The following PLEKHD1 variants were observed in gnomAD, a reference collection of about 807,000 sequenced individuals.
PLEKHD1 encodes pleckstrin homology and coiled-coil domain containing D1.
Under a neutral mutation model 69.2 loss-of-function variants are expected in PLEKHD1, and 51 were observed. That is an observed-to-expected ratio of 0.74 (90% CI 0.59 to 0.93). The LOEUF is 0.93. Among genes scored for constraint, PLEKHD1 ranks in the 40% least tolerant of loss-of-function variants. The pLI is 0.00. For synonymous variants in PLEKHD1, 236 were observed against 244.7 expected (o/e 0.96, Z 0.33); for missense variants, 584 against 641.0 (o/e 0.91, Z 0.96).
intron 4 of PLEKHD1, chr14:69,501,490 C>T: frequency 4.7e-6 from 2 of 427,126 alleles, no homozygotes; most frequent in Non-Finnish European, 8.4e-6. Flanking sequence ...TCTAAAAGTG[C>T]TGTTGGCCCA....
At chr14:69,520,116 G>C (rs1170078873) in intron 6 of PLEKHD1, among the ~76,000 whole-genome samples, 1 of 134,546 alleles carries the variant, frequency 7.4e-6, no homozygotes, top group African/African-American at 2.9e-5. Flanking sequence ...GCAGTGAACT[G>C]AGATCGTGCC....
At chr14:69,475,555 G>T in the PLEKHD1 span, among the ~76,000 whole-genome samples, 1 of 152,186 alleles carries the variant, frequency 6.6e-6, no homozygotes, top group African/African-American at 2.4e-5. Flanking sequence ...CTAGCAAGAG[G>T]CTGGCCCTGC....
chr14:69,520,600 G>A (rs1363712175), intron 6 of PLEKHD1, among the ~76,000 whole-genome samples: 1 of 152,038 alleles, frequency 6.6e-6, no homozygotes, highest in Non-Finnish European at 1.5e-5. Flanking sequence ...GTGGTGGTGA[G>A]TGCCTGTAAT....
chr14:69,492,037 A>G (rs1335819759), intron 1 of PLEKHD1, among the ~76,000 whole-genome samples: 1 of 152,120 alleles, frequency 6.6e-6, no homozygotes, highest in Non-Finnish European at 1.5e-5. Context: ...ACTTGCTGGC[A>G]GCTCCCCTTG....
At chr14:69,507,360 A>G (rs1481775084) in intron 6 of PLEKHD1, among the ~76,000 whole-genome samples, 1 of 152,166 alleles carries the variant, frequency 6.6e-6, no homozygotes, top group East Asian at 1.9e-4. Context: ...TCAGTGCTGA[A>G]TGATATTACC....
chr14:69,504,937 T>A (rs1883118444), intron 6 of PLEKHD1, among the ~76,000 whole-genome samples: 1 of 152,220 alleles, frequency 6.6e-6, no homozygotes, highest in South Asian at 2.1e-4. Context: ...AGGGATGGGA[T>A]GGAGTGGCAG....
At chr14:69,486,466 G>A (rs1006354390) in intron 1 of PLEKHD1, among the ~76,000 whole-genome samples, 1 of 152,174 alleles carries the variant, frequency 6.6e-6, no homozygotes, top group African/African-American at 2.4e-5. Context: ...GCAACATGGA[G>A]TGTATTTGGG....
intron 10 of PLEKHD1, 107 bp downstream of exon 10, chr14:69,526,936 C>T (rs1883665163): frequency 1.4e-5 from 20 of 1,404,658 alleles, no homozygotes; most frequent in Non-Finnish European, 1.9e-5. Flanking sequence ...GTCAGTCTGA[C>T]CAGACAGCCA....
At chr14:69,501,979 A>G in intron 5 of PLEKHD1, 154 bp downstream of exon 5, 1 of 607,840 alleles carries the variant, frequency 1.6e-6, no homozygotes, top group Non-Finnish European at 2.9e-6. Flanking sequence ...GCTTCCTGGT[A>G]CACTACGCAT....
intron 6 of PLEKHD1, among the ~76,000 whole-genome samples, chr14:69,509,771 C>A (rs1883229883): frequency 2.6e-5 from 4 of 152,056 alleles, no homozygotes; most frequent in Non-Finnish European, 5.9e-5. Flanking sequence ...AACCCTGCCT[C>A]TACTAAAAAT....
chr14:69,524,170 G>T lies in PLEKHD1; in HGVS notation c.651-59G>T. On this transcript the variant is annotated intron_variant, in intron 7 of 12. Coordinates refer to ENST00000322564, the MANE Select transcript of PLEKHD1 (RefSeq NM_001161498.2). ...AGCAAAAGCATTTCTAAGTGCAGAG[G>T]TGATTGGTGGGGGGTGGGGAGAGTG... 8 of 1,347,732 alleles carry T rather than the reference G, an allele frequency of 5.9e-6. No homozygotes were observed. The South Asian group carries it at 1.0e-4, about 17-fold the overall frequency. The allele number at this position is 1,347,732 out of a possible 1,614,324, so 83.5% of individuals were successfully genotyped here. A position where few individuals can be genotyped will look rare whatever the true frequency, so the allele number is the denominator to read the frequency against.
At chr14:69,505,192 AC>A (rs1883123822) in intron 6 of PLEKHD1, among the ~76,000 whole-genome samples, 1 of 152,134 alleles carries the variant, frequency 6.6e-6, no homozygotes, top group Non-Finnish European at 1.5e-5. Context: ...CCCAGCTGGT[AC>A]CCACCATGAA....
At chr14:69,516,268 T>C in intron 6 of PLEKHD1, among the ~76,000 whole-genome samples, 1 of 152,234 alleles carries the variant, frequency 6.6e-6, no homozygotes, top group Non-Finnish European at 1.5e-5. Context: ...ATGCTCTTTG[T>C]AGAAAACTTG....
chr14:69,469,279 ACT>A, the PLEKHD1 span, among the ~76,000 whole-genome samples: 2 of 152,036 alleles, frequency 1.3e-5, no homozygotes, highest in Admixed American at 6.6e-5. Flanking sequence ...TTTGGCAGCT[ACT>A]CTCTGTTCTT....
chr14:69,502,949 T>C, intron 6 of PLEKHD1, 70 bp downstream of exon 6: 1 of 1,525,730 alleles, frequency 6.6e-7, no homozygotes, highest in Non-Finnish European at 8.9e-7. Context: ...TAGGGAATGA[T>C]GCAGGGGAGC....
chr14:69,479,425 G>A, the PLEKHD1 span, among the ~76,000 whole-genome samples: 12 of 152,274 alleles, frequency 7.9e-5, no homozygotes, highest in Middle Eastern at 0.01. Context: ...AAAAGAGCAC[G>A]CATGATGGTG....
chr14:69,477,189 T>C, the PLEKHD1 span, among the ~76,000 whole-genome samples: 1 of 152,082 alleles, frequency 6.6e-6, no homozygotes, highest in East Asian at 1.9e-4. Context: ...ATTTTTGGAT[T>C]TTTAGTAGAG....
intron 1 of PLEKHD1, among the ~76,000 whole-genome samples, chr14:69,492,838 C>G (rs1882806032): frequency 6.6e-6 from 1 of 152,166 alleles, no homozygotes; most frequent in Non-Finnish European, 1.5e-5. Context: ...GGCATGATCA[C>G]AGCTCACTGT....
In PLEKHD1 at chr14:69,529,201, T is replaced by G. The variant is rs1216954708; in HGVS notation, c.*782T>G. 2 of 152,270 alleles carry G rather than the reference T, an allele frequency of 1.3e-5. No homozygotes were observed. Among genetic ancestry groups the G allele is most frequent in the Non-Finnish European group, 2.9e-5 (2 of 68,166 alleles). The allele number at this position is 152,270 out of a possible 1,614,324, so 9.4% of individuals were successfully genotyped here. ...TGTACCTAGGGCCCTGGCTGGGAGC[T>G]GGGGCCAGCAGTGATGCTGGGGGCT... On this transcript the variant is annotated 3_prime_UTR_variant, in exon 13 of 13. Transcript: ENST00000322564.
Sources: allele counts gnomAD v4.1 joint callset (sites outside exome capture counted in the v4.1 genomes callset), GRCh38; gene constraint gnomAD v4.1.1; transcripts MANE v1.5; gene names NCBI Gene and HGNC (gene_info 2026-07-23, HGNC 2026-07-21).